The following GRIK2 variants were observed in gnomAD, a reference collection of about 807,000 sequenced individuals.
The protein encoded by GRIK2 is glutamate ionotropic receptor kainate type subunit 2.
GRIK2 carries 32 observed loss-of-function variants against 100.3 expected under a neutral mutation model. The observed-to-expected ratio is 0.32, with a 90% CI of 0.24 to 0.43. The LOEUF (loss-of-function observed/expected upper bound fraction) is 0.43, where lower values mean the gene tolerates loss of function less well. GRIK2 is among the 20% of genes least tolerant of loss of function. GRIK2 has a pLI of 1.00. For synonymous variants in GRIK2, 417 were observed against 389.4 expected (o/e 1.07, Z -0.83); for missense variants, 843 against 1,114.9 (o/e 0.76, Z 3.47).
At chr6:101,505,789 A>AAC (rs1773993293) in intron 2 of GRIK2, among the ~76,000 whole-genome samples, 1 of 151,800 alleles carries the variant, frequency 6.6e-6, no homozygotes, top group African/African-American at 2.4e-5. Flanking sequence ...AAAAAAAAAA[A>AAC]AAACTAGAAA....
chr6:101,546,288 C>A (rs1273053124), intron 2 of GRIK2, among the ~76,000 whole-genome samples: 1 of 152,148 alleles, frequency 6.6e-6, no homozygotes, highest in Non-Finnish European at 1.5e-5. Context: ...ATAAATATTT[C>A]TGTCTTGGGA....
At chr6:101,771,624 C>T (rs1778411263) in intron 7 of GRIK2, among the ~76,000 whole-genome samples, 1 of 151,328 alleles carries the variant, frequency 6.6e-6, no homozygotes. Context: ...TGTTGGTGTG[C>T]TGCATCCATT....
intron 14 of GRIK2, among the ~76,000 whole-genome samples, chr6:102,023,933 G>C (rs1769559701): frequency 6.6e-6 from 1 of 151,322 alleles, no homozygotes; most frequent in Non-Finnish European, 1.5e-5. Flanking sequence ...TTGTAAGACT[G>C]TAGGTCTTTA....
rs923067467 is a variant in GRIK2, at chr6:102,000,450, G to T, written c.2086-34891G>T. On this transcript the variant is annotated intron_variant, in intron 14 of 16. Transcript: ENST00000369134. ...CCTCACCCCTCTGGTAGTCCACAGT[G>T]CCTATTGTTCCCATATTTACATCCA... Among the ~76,000 whole-genome samples, 8 of 151,854 alleles carry T rather than the reference G, an allele frequency of 5.3e-5. No homozygotes were observed. In the East Asian group the frequency reaches 1.6e-3, roughly 30 times the overall value.
At chr6:101,959,533 T>A (rs1294704327) in intron 14 of GRIK2, among the ~76,000 whole-genome samples, 4 of 152,244 alleles carry the variant, frequency 2.6e-5, no homozygotes. Flanking sequence ...AAAAAGCCAA[T>A]TTTTATTTTG....
chr6:101,467,521 G>A (rs1771708292), intron 2 of GRIK2, among the ~76,000 whole-genome samples: 1 of 152,156 alleles, frequency 6.6e-6, no homozygotes, highest in Non-Finnish European at 1.5e-5. Context: ...TCAAATGCAA[G>A]CTTAAGGTAA....
intron 15 of GRIK2, among the ~76,000 whole-genome samples, chr6:102,039,250 G>GCAAT (rs1171267150): frequency 6.6e-6 from 1 of 151,414 alleles, no homozygotes; most frequent in Non-Finnish European, 1.5e-5. Flanking sequence ...GCTTAGTGGA[G>GCAAT]CAATCAACAA....
chr6:101,714,623 G>A (rs1773937375), intron 7 of GRIK2, among the ~76,000 whole-genome samples: 1 of 151,724 alleles, frequency 6.6e-6, no homozygotes, highest in African/African-American at 2.4e-5. Flanking sequence ...TTTAGATAAA[G>A]CACTTGTTCT....
chr6:101,939,344 A>G (rs1268633577), intron 14 of GRIK2, among the ~76,000 whole-genome samples: 2 of 152,050 alleles, frequency 1.3e-5, no homozygotes, highest in East Asian at 1.9e-4. Flanking sequence ...ACCACTGAAC[A>G]TGTACTAAAT....
chr6:101,517,864 A>G lies in GRIK2; in HGVS notation c.116-104085A>G, dbSNP rs969350143. Among the ~76,000 whole-genome samples, 19 of 152,128 alleles carry G rather than the reference A, an allele frequency of 1.2e-4. 1 individual carries two copies. The highest frequency in any genetic ancestry group is 2.5e-4 in the Non-Finnish European group (17 of 68,020). The stretch of plus-strand genomic sequence containing the variant: ...AGCTTATTAGGCTAACGGTATTTTA[A>G]AAGATGTTTAGGGAAAGAGTCAATG... On this transcript the variant is annotated intron_variant, in intron 2 of 16. Coordinates refer to ENST00000369134, the MANE Select transcript of GRIK2 (RefSeq NM_021956.5).
At chr6:101,992,845 T>A (rs753397454) in intron 14 of GRIK2, among the ~76,000 whole-genome samples, 1 of 151,636 alleles carries the variant, frequency 6.6e-6, no homozygotes, top group Non-Finnish European at 1.5e-5. Flanking sequence ...ATTTCACTAC[T>A]TTGGAAGATT....
chr6:101,519,173 G>A (rs1774741026), intron 2 of GRIK2, among the ~76,000 whole-genome samples: 1 of 151,978 alleles, frequency 6.6e-6, no homozygotes. Flanking sequence ...GGGTATACTA[G>A]CATGCACAAA....
At chr6:101,722,507 T>A (rs545241601) in intron 7 of GRIK2, among the ~76,000 whole-genome samples, 7 of 152,160 alleles carry the variant, frequency 4.6e-5, no homozygotes, top group African/African-American at 1.2e-4. Flanking sequence ...ATACGGTAAA[T>A]AGATCTGATA....
intron 2 of GRIK2, among the ~76,000 whole-genome samples, chr6:101,441,578 A>T (rs753019229): frequency 6.6e-6 from 1 of 152,166 alleles, no homozygotes; most frequent in Admixed American, 6.6e-5. Flanking sequence ...ACCTTGATAG[A>T]CTTTCAAGTC....
chr6:101,586,949 T>C (rs1225406321), intron 2 of GRIK2, among the ~76,000 whole-genome samples: 1 of 147,874 alleles, frequency 6.8e-6, no homozygotes, highest in African/African-American at 2.5e-5. Flanking sequence ...AGCAACCATG[T>C]CTGAGAACCT....
intron 14 of GRIK2, among the ~76,000 whole-genome samples, chr6:101,987,356 AAG>A (rs1794073040): frequency 6.6e-6 from 1 of 151,822 alleles, no homozygotes; most frequent in Admixed American, 6.6e-5. Context: ...AACGAAAACA[AAG>A]AAGTAGTAAT....
intron 2 of GRIK2, among the ~76,000 whole-genome samples, chr6:101,408,491 T>C (rs958117443): frequency 6.6e-6 from 1 of 152,002 alleles, no homozygotes; most frequent in Non-Finnish European, 1.5e-5. Context: ...GTTGGAAAGC[T>C]AGAGACCCAG....
chr6:101,525,833 G>C (rs976801519), intron 2 of GRIK2, among the ~76,000 whole-genome samples: 1 of 152,134 alleles, frequency 6.6e-6, no homozygotes, highest in South Asian at 2.1e-4. Context: ...TATCCAGTTT[G>C]CATATTAATC....
intron 2 of GRIK2, among the ~76,000 whole-genome samples, chr6:101,619,419 C>T (rs183418746): frequency 7.3e-5 from 11 of 151,328 alleles, no homozygotes; most frequent in East Asian, 3.9e-4. Context: ...AACTTAAAGT[C>T]GAATTTGAAT....
Sources: allele counts gnomAD v4.1 joint callset (sites outside exome capture counted in the v4.1 genomes callset), GRCh38; gene constraint gnomAD v4.1.1; transcripts MANE v1.5; gene names NCBI Gene and HGNC (gene_info 2026-07-23, HGNC 2026-07-21).